The following RANBP2 variants were observed in gnomAD, a reference collection of about 807,000 sequenced individuals.
The protein encoded by RANBP2 is RAN binding protein 2.
In RANBP2, 57 loss-of-function variants were observed where a neutral mutation model predicts 303.6. The ratio of observed to expected loss-of-function variants is 0.19; its 90% CI spans 0.15 to 0.23. The LOEUF (loss-of-function observed/expected upper bound fraction) is 0.23, where lower values mean the gene tolerates loss of function less well. Among genes scored for constraint, RANBP2 ranks in the 10% least tolerant of loss-of-function variants. RANBP2 has a pLI of 1.00. For missense variants in RANBP2, 3,138 were observed against 3,780.8 expected (o/e 0.83, Z 4.46); for synonymous variants, 1,167 against 1,301.5 (o/e 0.90, Z 2.23).
At chr2:109,590,082 G>GTATATATACACACACATATATATT in the RANBP2 span, among the ~76,000 whole-genome samples, 5 of 145,156 alleles carry the variant, frequency 3.4e-5, no homozygotes, top group Non-Finnish European at 6.0e-5. Flanking sequence ...ACATATATAT[G>GTATATATACACACACATATATATT]TATATATATA....
the RANBP2 span, among the ~76,000 whole-genome samples, chr2:109,071,646 CA>C: frequency 7.3e-5 from 11 of 150,430 alleles, no homozygotes; most frequent in African/African-American, 2.7e-4. Flanking sequence ...TGCACTCTAG[CA>C]AGGGTGACAA....
chr2:109,480,737 C>A, the RANBP2 span, among the ~76,000 whole-genome samples: 1 of 152,140 alleles, frequency 6.6e-6, no homozygotes, highest in Non-Finnish European at 1.5e-5. Flanking sequence ...CCCCTCCTCT[C>A]CTCCTGGATC....
the RANBP2 span, among the ~76,000 whole-genome samples, chr2:109,210,785 G>C: frequency 0.045 from 6,826 of 152,260 alleles, 499 homozygotes; most frequent in African/African-American, 0.15. Flanking sequence ...TCTCTGGCAA[G>C]CACGACCTAT....
At chr2:109,131,963 A>G in the RANBP2 span, among the ~76,000 whole-genome samples, 1 of 152,248 alleles carries the variant, frequency 6.6e-6, no homozygotes, top group Admixed American at 6.5e-5. Context: ...TAGGTCCAGC[A>G]CATGCTTCGG....
the RANBP2 span, among the ~76,000 whole-genome samples, chr2:109,091,352 C>T: frequency 6.6e-6 from 1 of 152,114 alleles, no homozygotes; most frequent in Admixed American, 6.5e-5. Context: ...CTCATCACTG[C>T]TCCCTCTGTT....
the RANBP2 span, among the ~76,000 whole-genome samples, chr2:109,008,580 A>G: frequency 9.4e-6 from 1 of 106,310 alleles, no homozygotes; most frequent in Admixed American, 1.2e-4. Flanking sequence ...AGCAGCTGCT[A>G]AGAAAAGGGT....
At chr2:108,826,424 A>G in the RANBP2 span, among the ~76,000 whole-genome samples, 2 of 152,068 alleles carry the variant, frequency 1.3e-5, no homozygotes, top group Non-Finnish European at 2.9e-5. Context: ...ATTTTGAGTT[A>G]GTTTTCATAT....
At chr2:109,303,553 A>G in the RANBP2 span, among the ~76,000 whole-genome samples, 4 of 152,208 alleles carry the variant, frequency 2.6e-5, no homozygotes, top group Non-Finnish European at 5.9e-5. Context: ...CTGAGCCTCC[A>G]GGAAGGAAAC....
At chr2:109,692,937 G>C in the RANBP2 span, among the ~76,000 whole-genome samples, 1 of 149,552 alleles carries the variant, frequency 6.7e-6, no homozygotes, top group African/African-American at 2.5e-5. Context: ...TCGTGCCTCA[G>C]CCTCCTGAGT....
chr2:109,358,616 T>C, the RANBP2 span, among the ~76,000 whole-genome samples: 1 of 152,250 alleles, frequency 6.6e-6, no homozygotes, highest in Non-Finnish European at 1.5e-5. Context: ...GGTCTTTGAC[T>C]CACCATTCAA....
At chr2:109,510,179 C>T in the RANBP2 span, among the ~76,000 whole-genome samples, 1 of 152,186 alleles carries the variant, frequency 6.6e-6, no homozygotes, top group Non-Finnish European at 1.5e-5. Flanking sequence ...GAGCCCAGAG[C>T]AGGTGTGGAG....
At chr2:109,643,904 C>T in the RANBP2 span, among the ~76,000 whole-genome samples, 1 of 151,896 alleles carries the variant, frequency 6.6e-6, no homozygotes, top group African/African-American at 2.4e-5. Context: ...AGGCGGATCA[C>T]GAGGTCAGGA....
chr2:109,424,488 C>G, the RANBP2 span, among the ~76,000 whole-genome samples: 1 of 149,916 alleles, frequency 6.7e-6, no homozygotes, highest in Non-Finnish European at 1.5e-5. Flanking sequence ...ATTTTTTTTA[C>G]AAATTGAAGC....
chr2:109,505,118 C>A, the RANBP2 span, among the ~76,000 whole-genome samples: 1 of 152,210 alleles, frequency 6.6e-6, no homozygotes, highest in Admixed American at 6.5e-5. Flanking sequence ...GCCATGGCTG[C>A]CATTCCCTGG....
the RANBP2 span, among the ~76,000 whole-genome samples, chr2:109,171,992 G>T: frequency 1.2e-4 from 18 of 152,308 alleles, no homozygotes; most frequent in African/African-American, 4.1e-4. Flanking sequence ...CAGCTGAGTC[G>T]CCCGTTTCCC....
the RANBP2 span, among the ~76,000 whole-genome samples, chr2:109,144,711 C>A: frequency 1.3e-5 from 2 of 152,258 alleles, no homozygotes; most frequent in African/African-American, 4.8e-5. Context: ...GGGCCACTCC[C>A]AGGCCCACCT....
chr2:108,729,162 C>A lies in RANBP2; in HGVS notation c.103C>A (p.Leu35Met), dbSNP rs776682099. 1 of 1,573,216 alleles carries A rather than the reference C, an allele frequency of 6.4e-7. No individual in the cohort carries two copies. The highest frequency in any genetic ancestry group is 2.3e-5 in the East Asian group (1 of 44,368). Reference protein sequence around the residue: ...KSMKGFYFAKLYYEAKEYDLA... With the variant: ...KSMKGFYFAKMYYEAKEYDLA... ...AATGAAAGGATTCTATTTTGCAAAGCTGTATTATGAAGCTAAAGAATATGA... is the reference window on the plus strand; with the variant it reads ...AATGAAAGGATTCTATTTTGCAAAGATGTATTATGAAGCTAAAGAATATGA... The change falls in exon 2 of 29, where the codon CTG becomes ATG. Residue 35 changes from leucine (L) to methionine (M), a missense_variant. Coordinates refer to ENST00000283195, the MANE Select transcript of RANBP2 (RefSeq NM_006267.5).
chr2:108,744,970 G>T (rs1179881563), intron 7 of RANBP2, among the ~76,000 whole-genome samples: 1 of 151,918 alleles, frequency 6.6e-6, no homozygotes, highest in Non-Finnish European at 1.5e-5. Context: ...TCCATTAACT[G>T]TATCTTGGAG....
At chr2:108,740,839 A>G (rs1456338680) in intron 7 of RANBP2, among the ~76,000 whole-genome samples, 158 bp downstream of exon 7, 1 of 150,710 alleles carries the variant, frequency 6.6e-6, no homozygotes, top group Non-Finnish European at 1.5e-5. Flanking sequence ...CTAAGCATAC[A>G]CAATACTGGT....
Sources: allele counts gnomAD v4.1 joint callset (sites outside exome capture counted in the v4.1 genomes callset), GRCh38; gene constraint gnomAD v4.1.1; transcripts MANE v1.5; gene names NCBI Gene and HGNC (gene_info 2026-07-23, HGNC 2026-07-21).